CNTN5: variants seen among roughly 807,000 people sequenced by gnomAD.
CNTN5 encodes the protein contactin-5.
CNTN5 carries 77 observed loss-of-function variants against 129.1 expected under a neutral mutation model. That is an observed-to-expected ratio of 0.60 (90% CI 0.50 to 0.72). CNTN5 has a LOEUF of 0.72. Among genes scored for constraint, CNTN5 ranks in the 30% least tolerant of loss-of-function variants. The pLI is 0.00. For synonymous variants in CNTN5, 509 were observed against 465.6 expected (o/e 1.09, Z -1.20); for missense variants, 1,478 against 1,328.8 (o/e 1.11, Z -1.75).
intron 17 of CNTN5, among the ~76,000 whole-genome samples, chr11:100,270,868 A>G (rs1950395153): frequency 6.6e-6 from 1 of 152,206 alleles, no homozygotes; most frequent in African/African-American, 2.4e-5. Context: ...GATAAAATGA[A>G]AGAGTCCTAA....
At chr11:99,561,315 A>G (rs972335962) in intron 3 of CNTN5, among the ~76,000 whole-genome samples, 24 of 151,484 alleles carry the variant, frequency 1.6e-4, no homozygotes, top group African/African-American at 4.3e-4. Flanking sequence ...AAGTAAGTAA[A>G]TAAATAAATA....
At chr11:99,891,056 A>G (rs1949045918) in intron 6 of CNTN5, among the ~76,000 whole-genome samples, 1 of 152,208 alleles carries the variant, frequency 6.6e-6, no homozygotes, top group East Asian at 1.9e-4. Flanking sequence ...CATGACAACA[A>G]TGTAATATGG....
At chr11:99,800,616 G>T (rs1402981073) in intron 3 of CNTN5, among the ~76,000 whole-genome samples, 1 of 152,076 alleles carries the variant, frequency 6.6e-6, no homozygotes, top group Non-Finnish European at 1.5e-5. Context: ...ATGACTAAAA[G>T]TGCTCTAATG....
At chr11:99,505,207 G>C (rs1157382248) in intron 2 of CNTN5, among the ~76,000 whole-genome samples, 7 of 152,124 alleles carry the variant, frequency 4.6e-5, no homozygotes, top group Non-Finnish European at 1.0e-4. Context: ...ATTAAAGAAT[G>C]GGTGACCATT....
intron 1 of CNTN5, among the ~76,000 whole-genome samples, chr11:99,164,306 G>A (rs1468597001): frequency 7.7e-6 from 1 of 129,800 alleles, no homozygotes; most frequent in East Asian, 2.3e-4. Flanking sequence ...CTGGGCAAGA[G>A]AGCAACACTC....
intron 1 of CNTN5, among the ~76,000 whole-genome samples, chr11:99,242,539 G>T (rs1157829962): frequency 2.0e-5 from 3 of 151,886 alleles, no homozygotes; most frequent in Non-Finnish European, 4.4e-5. Flanking sequence ...TGTTACCTAG[G>T]TACACTGCAT....
At chr11:99,638,619 A>C (rs1180495847) in intron 3 of CNTN5, among the ~76,000 whole-genome samples, 4 of 152,202 alleles carry the variant, frequency 2.6e-5, no homozygotes, top group Non-Finnish European at 4.4e-5. Flanking sequence ...AACCATTCCC[A>C]ACGGGAGAAA....
intron 6 of CNTN5, among the ~76,000 whole-genome samples, chr11:99,902,108 C>T (rs572158958): frequency 6.6e-6 from 1 of 152,254 alleles, no homozygotes; most frequent in Non-Finnish European, 1.5e-5. Flanking sequence ...ACCACAATGA[C>T]ATGAACTGGC....
At chr11:99,112,461 A>G (rs961070385) in intron 1 of CNTN5, among the ~76,000 whole-genome samples, 2 of 152,086 alleles carry the variant, frequency 1.3e-5, no homozygotes, top group African/African-American at 2.4e-5. Flanking sequence ...AGATTTATTA[A>G]AACAAAAATA....
intron 9 of CNTN5, among the ~76,000 whole-genome samples, chr11:100,057,017 C>T (rs1032254382): frequency 4.0e-5 from 6 of 151,434 alleles, no homozygotes; most frequent in Non-Finnish European, 4.4e-5. Flanking sequence ...CAAAGATTCT[C>T]AGCAGGTTCC....
chr11:99,752,119 G>A (rs1944257089), intron 3 of CNTN5, among the ~76,000 whole-genome samples: 1 of 152,080 alleles, frequency 6.6e-6, no homozygotes, highest in African/African-American at 2.4e-5. Context: ...CATTATAGCA[G>A]CACAGAATTA....
rs1185218525 is a variant in CNTN5 at position 99,998,735 on chromosome 11, A to C, written c.878-3299A>C. 9.7e-3 allele frequency among the ~76,000 whole-genome samples: 1,409 copies of C among 145,482 alleles called. 27 individuals are homozygous for C. Among genetic ancestry groups the C allele is most frequent in the African/African-American group, 0.034 (1,347 of 39,056 alleles). On this transcript the variant is annotated intron_variant, in intron 8 of 24. Coordinates refer to ENST00000524871, the MANE Select transcript of CNTN5 (RefSeq NM_014361.4). The stretch of plus-strand genomic sequence containing the variant: ...CCAAAAGAACAAAGCTGGAGGCATC[A>C]CGCTACCTGACTTCAAAATATACTA...
intron 1 of CNTN5, among the ~76,000 whole-genome samples, chr11:99,029,943 A>G (rs944360974): frequency 6.6e-6 from 1 of 152,168 alleles, no homozygotes; most frequent in East Asian, 1.9e-4. Flanking sequence ...TGTGTGAGTT[A>G]GGAGGTTTTG....
chr11:99,616,831 C>T (rs1470400641), intron 3 of CNTN5, among the ~76,000 whole-genome samples: 2 of 152,210 alleles, frequency 1.3e-5, no homozygotes, highest in African/African-American at 4.8e-5. Flanking sequence ...TCAATTATGG[C>T]CTGGTGCAGT....
At chr11:100,150,868 G>A (rs912414602) in intron 13 of CNTN5, among the ~76,000 whole-genome samples, 1 of 152,070 alleles carries the variant, frequency 6.6e-6, no homozygotes, top group African/African-American at 2.4e-5. Context: ...TTTGGAAGCA[G>A]GGTCTTTGGG....
chr11:99,458,698 TAAG>T (rs1944581061), intron 2 of CNTN5, among the ~76,000 whole-genome samples: 1 of 151,984 alleles, frequency 6.6e-6, no homozygotes. Flanking sequence ...TTGAAGCCCA[TAAG>T]AAGAACATAC....
In CNTN5 at chr11:100,052,194, T is replaced by G. The variant is rs191907743; in HGVS notation, c.981-9018T>G. ...CAAAATCCATTATACACGATGAAAC[T>G]GTCAAATATGTAGGATTAGAGGGAA... On this transcript the variant is annotated intron_variant, in intron 9 of 24. Coordinates refer to ENST00000524871, the MANE Select transcript of CNTN5 (RefSeq NM_014361.4). 4.1e-4 allele frequency among the ~76,000 whole-genome samples: 62 copies of G among 151,964 alleles called. 1 individual carries two copies. The highest frequency in any genetic ancestry group is 2.6e-3 in the Admixed American group (39 of 15,228).
chr11:100,331,501 G>C lies in CNTN5; in HGVS notation c.2731-8962G>C, dbSNP rs11537171. Among the ~76,000 whole-genome samples, 3,077 of 152,166 alleles carry C rather than the reference G, an allele frequency of 0.02. 164 individuals are homozygous for C. In the East Asian group the frequency reaches 0.23, roughly 11 times the overall value. ...CAAATGGACCTAACAGATATCTACA[G>C]AGCATTCTACCCAACAACTCCAGAA... On this transcript the variant is annotated intron_variant, in intron 21 of 24. Transcript: ENST00000524871.
intron 2 of CNTN5, among the ~76,000 whole-genome samples, chr11:99,340,375 G>C (rs961225207): frequency 6.6e-6 from 1 of 152,074 alleles, no homozygotes; most frequent in East Asian, 1.9e-4. Context: ...TCCAAAAGAA[G>C]ACAGGAAAAG....
Sources: gnomAD v4.1 joint callset for allele counts (sites outside exome capture counted in the v4.1 genomes callset) on GRCh38, gnomAD v4.1.1 for gene constraint, MANE v1.5 for transcripts, NCBI Gene and HGNC (gene_info 2026-07-23, HGNC 2026-07-21) for gene names.